The following NRXN1 variants were observed in gnomAD, a reference collection of about 807,000 sequenced individuals.
NRXN1 encodes the protein neurexin 1.
NRXN1 carries 39 observed loss-of-function variants against 150.9 expected under a neutral mutation model. The ratio of observed to expected loss-of-function variants is 0.26; its 90% confidence interval spans 0.20 to 0.34. The LOEUF is 0.34. Ranked by LOEUF, NRXN1 falls within the 10% of genes least tolerant of loss-of-function variation. NRXN1 has a pLI of 1.00. For synonymous variants in NRXN1, 924 were observed against 757.0 expected, an observed-to-expected ratio of 1.22 and a Z score of -3.62; for missense variants, 1,815 against 1,949.9, an observed-to-expected ratio of 0.93 and a Z score of 1.30.
intron 17 of NRXN1, among the ~76,000 whole-genome samples, chr2:50,258,842 A>G (rs2067974173): frequency 6.6e-6 from 1 of 152,058 alleles, no homozygotes; most frequent in African/African-American, 2.4e-5. Flanking sequence ...CCCCATGTAT[A>G]TCTCCATCAT....
At chr2:50,180,640 A>T (rs1452603707) in intron 18 of NRXN1, among the ~76,000 whole-genome samples, 3 of 152,144 alleles carry the variant, frequency 2.0e-5, no homozygotes, top group African/African-American at 7.2e-5. Context: ...TGGGGGATAC[A>T]GCACTCGAGG....
At chr2:50,436,280 C>T (rs922465555) in intron 17 of NRXN1, among the ~76,000 whole-genome samples, 5 of 151,910 alleles carry the variant, frequency 3.3e-5, no homozygotes, top group African/African-American at 7.3e-5. Flanking sequence ...ATGGAAAAAC[C>T]GCGTCTCTAC....
intron 2 of NRXN1, among the ~76,000 whole-genome samples, chr2:51,009,755 C>T (rs1373727286): frequency 6.6e-6 from 1 of 151,906 alleles, no homozygotes; most frequent in Admixed American, 6.6e-5. Flanking sequence ...CATATCTCTT[C>T]TATGGTGACA....
Position 50,962,521 on chromosome 2 carries a change from T to G in NRXN1, c.773-36566A>C, listed in dbSNP as rs77064406. ...TATTCACAGAGCCAAGTGCTTGGTT[T>G]GTTTGTTTGTTTGTTTGTTTGTTTG... is the stretch of plus-strand genomic sequence containing the variant. On this transcript the variant is annotated intron_variant, in intron 2 of 22. Transcript: ENST00000401669. Among the ~76,000 whole-genome samples the G allele has an allele frequency of 1.9e-3, 13 of 6,796 alleles. No homozygotes were observed. The African/African-American group carries it at 0.021, about 11-fold the overall frequency. 4.5% of individuals were successfully genotyped at this position (6,796 alleles called of 152,430 possible).
At chr2:50,473,220 A>G (rs2089685196) in intron 15 of NRXN1, among the ~76,000 whole-genome samples, 1 of 151,932 alleles carries the variant, frequency 6.6e-6, no homozygotes, top group Admixed American at 6.6e-5. Flanking sequence ...TTCAATTTTT[A>G]GGCTGCTCTG....
chr2:50,378,778 A>G (rs1371320294), intron 17 of NRXN1, among the ~76,000 whole-genome samples: 2 of 152,192 alleles, frequency 1.3e-5, no homozygotes, highest in African/African-American at 2.4e-5. Context: ...TTTGAAATTT[A>G]TGGAAGGAAT....
chr2:50,911,441 T>C (rs1684509399), intron 5 of NRXN1, among the ~76,000 whole-genome samples: 4 of 151,896 alleles, frequency 2.6e-5, no homozygotes, highest in Admixed American at 2.6e-4. Flanking sequence ...GAGTCTGTCA[T>C]TTCTGAATGT....
chr2:51,016,859 G>A (rs530066876), intron 2 of NRXN1, among the ~76,000 whole-genome samples: 2 of 152,174 alleles, frequency 1.3e-5, no homozygotes, highest in African/African-American at 4.8e-5. Context: ...CAACCCAAAT[G>A]CCCATCAATG....
intron 22 of NRXN1, among the ~76,000 whole-genome samples, chr2:49,930,547 A>T (rs1669954777): frequency 6.6e-6 from 1 of 151,980 alleles, no homozygotes. Flanking sequence ...AATTTTTTAA[A>T]ATAAATAAAT....
intron 5 of NRXN1, among the ~76,000 whole-genome samples, chr2:50,833,503 G>C (rs1450962932): frequency 2.0e-5 from 3 of 152,186 alleles, no homozygotes; most frequent in African/African-American, 7.2e-5. Flanking sequence ...GAGAGAACTT[G>C]CATATATCTC....
At chr2:50,789,067 C>G (rs751812760) in intron 5 of NRXN1, among the ~76,000 whole-genome samples, 8 of 152,068 alleles carry the variant, frequency 5.3e-5, no homozygotes, top group Non-Finnish European at 1.2e-4. Context: ...TCCAAACAAA[C>G]CAAAACAAAG....
At chr2:50,726,847 T>C (rs1449391508) in intron 5 of NRXN1, among the ~76,000 whole-genome samples, 2 of 152,318 alleles carry the variant, frequency 1.3e-5, no homozygotes, top group South Asian at 2.1e-4. Flanking sequence ...ATTCTATCTA[T>C]TCTAAATAAG....
intron 8 of NRXN1, among the ~76,000 whole-genome samples, chr2:50,563,518 T>C (rs549705466): frequency 6.6e-6 from 1 of 152,268 alleles, no homozygotes; most frequent in South Asian, 2.1e-4. Context: ...AGGAGTTATC[T>C]GGTAAATGAG....
chr2:50,705,077 C>CA (rs397825896), intron 5 of NRXN1, among the ~76,000 whole-genome samples: 2 of 150,720 alleles, frequency 1.3e-5, no homozygotes, highest in Admixed American at 1.3e-4. Flanking sequence ...CACACACACA[C>CA]CCATCCCCAG....
At chr2:50,110,999 CT>C (rs1282983395) in intron 18 of NRXN1, among the ~76,000 whole-genome samples, 1 of 151,992 alleles carries the variant, frequency 6.6e-6, no homozygotes, top group Admixed American at 6.6e-5. Context: ...TTATTTTCAT[CT>C]TTTTTATTTG....
At chr2:50,156,998 G>C (rs1016924080) in intron 18 of NRXN1, among the ~76,000 whole-genome samples, 2 of 151,994 alleles carry the variant, frequency 1.3e-5, no homozygotes, top group Non-Finnish European at 2.9e-5. Flanking sequence ...TAAGTGCTTT[G>C]TATGTATTAT....
At chr2:50,544,482 T>G (rs1247245639) in intron 9 of NRXN1, among the ~76,000 whole-genome samples, 1 of 152,130 alleles carries the variant, frequency 6.6e-6, no homozygotes, top group Non-Finnish European at 1.5e-5. Flanking sequence ...TATTCCACTC[T>G]CTGCTTATTA....
chr2:50,508,756 G>C (rs190262840), intron 12 of NRXN1, among the ~76,000 whole-genome samples: 2 of 152,004 alleles, frequency 1.3e-5, no homozygotes, highest in Admixed American at 1.3e-4. Context: ...ATAACAACAG[G>C]CATAAAATCC....
At chr2:50,639,184 T>G (rs1683677489) in intron 5 of NRXN1, among the ~76,000 whole-genome samples, 1 of 151,066 alleles carries the variant, frequency 6.6e-6, no homozygotes, top group African/African-American at 2.4e-5. Flanking sequence ...CTATCACACT[T>G]TTATGCATTT....
Sources: gnomAD v4.1 joint callset for allele counts (sites outside exome capture counted in the v4.1 genomes callset) on GRCh38, gnomAD v4.1.1 for gene constraint, MANE v1.5 for transcripts, NCBI Gene and HGNC (gene_info 2026-07-23, HGNC 2026-07-21) for gene names.